SEMA3E: variants seen among roughly 807,000 people sequenced by gnomAD.
SEMA3E encodes the protein semaphorin-3E.
A neutral mutation model predicts 93.6 loss-of-function variants in SEMA3E; 49 were observed. The ratio of observed to expected loss-of-function variants is 0.52; its 90% CI spans 0.42 to 0.66. The LOEUF is 0.66. Ranked by LOEUF, SEMA3E falls within the 30% of genes least tolerant of loss-of-function variation. The pLI, the probability that SEMA3E is intolerant of heterozygous loss-of-function variation, is 0.00. For missense variants in SEMA3E, 906 were observed against 964.8 expected (o/e 0.94, Z 0.81); for synonymous variants, 363 against 330.7 (o/e 1.10, Z -1.06).
chr7:83,436,801 G>T (rs1454787821), intron 4 of SEMA3E, among the ~76,000 whole-genome samples: 2 of 152,112 alleles, frequency 1.3e-5, no homozygotes, highest in African/African-American at 4.8e-5. Flanking sequence ...AGCCAATATG[G>T]TATAAGAATG....
intron 1 of SEMA3E, among the ~76,000 whole-genome samples, chr7:83,622,624 T>C: frequency 6.6e-6 from 1 of 152,122 alleles, no homozygotes; most frequent in East Asian, 1.9e-4. Context: ...ATGTGGTACA[T>C]ATACACCATG....
At chr7:83,570,260 C>G (rs558538353) in intron 1 of SEMA3E, among the ~76,000 whole-genome samples, 1 of 152,082 alleles carries the variant, frequency 6.6e-6, no homozygotes, top group Non-Finnish European at 1.5e-5. Context: ...ATACCTTCAT[C>G]AAGAAGTTAG....
At chr7:83,621,374 C>T (rs535626723) in intron 1 of SEMA3E, among the ~76,000 whole-genome samples, 45 of 152,176 alleles carry the variant, frequency 3.0e-4, no homozygotes, top group African/African-American at 9.6e-4. Context: ...AAACATTCCA[C>T]GCTCAAGGAT....
intron 1 of SEMA3E, among the ~76,000 whole-genome samples, chr7:83,620,874 C>T (rs1461656990): frequency 6.6e-6 from 1 of 151,906 alleles, no homozygotes; most frequent in Non-Finnish European, 1.5e-5. Context: ...TATGATAAGC[C>T]CACAACCAAT....
chr7:83,546,791 T>C (rs1253764647), intron 1 of SEMA3E, among the ~76,000 whole-genome samples: 1 of 152,056 alleles, frequency 6.6e-6, no homozygotes, highest in African/African-American at 2.4e-5. Context: ...AAGTTATGAG[T>C]GTACGTATCT....
chr7:83,490,087 C>T (rs1215316755), intron 2 of SEMA3E, 27 bp downstream of exon 2: 4 of 1,608,604 alleles, frequency 2.5e-6, no homozygotes, highest in Non-Finnish European at 3.4e-6. Flanking sequence ...TCTATCTCTA[C>T]TGAAATGCAG....
chr7:83,457,879 T>A (rs1244461016), intron 4 of SEMA3E, among the ~76,000 whole-genome samples: 2 of 152,096 alleles, frequency 1.3e-5, no homozygotes, highest in Admixed American at 1.3e-4. Context: ...ATTCCATAAA[T>A]CCCTGCCTCT....
intron 1 of SEMA3E, among the ~76,000 whole-genome samples, chr7:83,512,931 T>A (rs1419269263): frequency 6.6e-6 from 1 of 152,208 alleles, no homozygotes. Context: ...ACATAAAGGC[T>A]AAAGTAATGC....
chr7:83,455,609 G>A (rs947108652), intron 4 of SEMA3E, among the ~76,000 whole-genome samples: 2 of 152,180 alleles, frequency 1.3e-5, no homozygotes, highest in Non-Finnish European at 2.9e-5. Flanking sequence ...GCACACCTGC[G>A]AATACGGTAA....
intron 12 of SEMA3E, among the ~76,000 whole-genome samples, chr7:83,396,212 AT>A (rs1188259376): frequency 6.6e-6 from 1 of 151,872 alleles, no homozygotes; most frequent in African/African-American, 2.4e-5. Context: ...ATCATCTTCT[AT>A]TGTTTTTCTT....
chr7:83,368,522 C>G (rs866463030), intron 16 of SEMA3E, among the ~76,000 whole-genome samples: 2 of 152,136 alleles, frequency 1.3e-5, no homozygotes, highest in South Asian at 4.1e-4. Context: ...AAGGACCTCT[C>G]TTTGGAGAAC....
chr7:83,598,993 T>C (rs1442400949), intron 1 of SEMA3E, among the ~76,000 whole-genome samples: 1 of 152,222 alleles, frequency 6.6e-6, no homozygotes, highest in Admixed American at 6.5e-5. Context: ...GGGAAAACTT[T>C]CATCGGCAAA....
chr7:83,388,245 G>A lies in SEMA3E; in HGVS notation c.1668-1195C>T, dbSNP rs185512665. Reference sequence around the variant, plus strand: ...AATCGCCTGAAACCGGGAGGTGAAGGTTCCAGTGAGCCAAGATTGCACCAC... The same window carrying A: ...AATCGCCTGAAACCGGGAGGTGAAGATTCCAGTGAGCCAAGATTGCACCAC... On this transcript the variant is annotated intron_variant, in intron 14 of 16. Transcript: ENST00000643230. Among the ~76,000 whole-genome samples, 113 of 148,374 alleles carry A rather than the reference G, an allele frequency of 7.6e-4. 1 individual carries two copies. The highest frequency in any genetic ancestry group is 2.5e-3 in the African/African-American group (104 of 40,796).
At chr7:83,429,997 T>C (rs753549844) in intron 4 of SEMA3E, among the ~76,000 whole-genome samples, 5 of 152,280 alleles carry the variant, frequency 3.3e-5, no homozygotes, top group Middle Eastern at 6.8e-3. Context: ...TTACATTGTA[T>C]TGTGATTATG....
chr7:83,508,144 C>T (rs1180619825), intron 1 of SEMA3E, among the ~76,000 whole-genome samples: 3 of 152,118 alleles, frequency 2.0e-5, no homozygotes, highest in African/African-American at 7.2e-5. Context: ...AAGATTAAAA[C>T]AATATTATTA....
At chr7:83,419,371 G>A (rs936574417) in intron 4 of SEMA3E, among the ~76,000 whole-genome samples, 1 of 152,176 alleles carries the variant, frequency 6.6e-6, no homozygotes, top group African/African-American at 2.4e-5. Flanking sequence ...GAGTGAGTTA[G>A]TAGAGGAGCT....
chr7:83,453,219 G>A (rs1789400480), intron 4 of SEMA3E, among the ~76,000 whole-genome samples: 2 of 151,854 alleles, frequency 1.3e-5, no homozygotes, highest in Non-Finnish European at 2.9e-5. Context: ...TAGTAGAGAC[G>A]GGGTTTCACC....
intron 1 of SEMA3E, among the ~76,000 whole-genome samples, chr7:83,513,080 T>A (rs975924964): frequency 2.6e-5 from 4 of 152,200 alleles, no homozygotes; most frequent in African/African-American, 7.2e-5. Context: ...GCAATATTGA[T>A]TTTAACGAAT....
intron 1 of SEMA3E, among the ~76,000 whole-genome samples, chr7:83,549,037 G>T (rs1371457618): frequency 6.6e-6 from 1 of 152,054 alleles, no homozygotes; most frequent in Non-Finnish European, 1.5e-5. Context: ...CTGGGAATTT[G>T]CAAGTATGCA....
Sources: gnomAD v4.1 joint callset for allele counts (sites outside exome capture counted in the v4.1 genomes callset) on GRCh38, gnomAD v4.1.1 for gene constraint, MANE v1.5 for transcripts, NCBI Gene and HGNC (gene_info 2026-07-23, HGNC 2026-07-21) for gene names.